Variants in HACD3 observed in about 807,000 individuals in gnomAD.
HACD3 encodes the protein 3-hydroxyacyl-CoA dehydratase 3, also known as very-long-chain (3R)-3-hydroxyacyl-CoA dehydratase 3.
A neutral mutation model predicts 55.2 loss-of-function variants in HACD3; 30 were observed. The observed-to-expected ratio is 0.54, with a 90% CI of 0.41 to 0.74. The LOEUF is 0.74. HACD3 is among the 30% of genes least tolerant of loss of function. HACD3 has a pLI of 0.00. For synonymous variants in HACD3, 141 were observed against 151.7 expected, an observed-to-expected ratio of 0.93 and a Z score of 0.52; for missense variants, 363 against 440.1, an observed-to-expected ratio of 0.82 and a Z score of 1.57.
At chr15:65,545,417 C>T (rs2072065615) in intron 1 of HACD3, among the ~76,000 whole-genome samples, 1 of 150,608 alleles carries the variant, frequency 6.6e-6, no homozygotes, top group African/African-American at 2.4e-5. Context: ...ATAGGCATGG[C>T]AATCAAGAGG....
In HACD3 at chr15:65,530,600, C is replaced by G. The variant is rs761548750; in HGVS notation, c.-32C>G. The G allele has an allele frequency of 8.7e-5, 134 of 1,542,314 alleles. No homozygotes were observed. Among genetic ancestry groups the G allele is most frequent in the East Asian group, 1.5e-4 (6 of 40,716 alleles). ...ACCTGAGGCAGCGAGGCGCAGCGAG[C>G]CTAGCCTCCCCGCGCCCTGGGCAGT... On this transcript the variant is annotated 5_prime_UTR_variant, in exon 1 of 11. Transcript: ENST00000261875.
chr15:65,535,051 T>C (rs1425885801), intron 1 of HACD3, among the ~76,000 whole-genome samples: 2 of 152,188 alleles, frequency 1.3e-5, no homozygotes, highest in Admixed American at 6.5e-5. Flanking sequence ...ACTGGGACAA[T>C]TGGTAATCCA....
At chr15:65,532,687 T>C (rs1226636723) in intron 1 of HACD3, among the ~76,000 whole-genome samples, 1 of 151,658 alleles carries the variant, frequency 6.6e-6, no homozygotes, top group East Asian at 1.9e-4. Flanking sequence ...AAATAAATCA[T>C]TTTTCCCCCT....
At chr15:65,538,819 G>A (rs1340212527) in intron 1 of HACD3, among the ~76,000 whole-genome samples, 3 of 152,136 alleles carry the variant, frequency 2.0e-5, no homozygotes, top group Admixed American at 2.0e-4. Context: ...GTCACCACCT[G>A]GATCAGTCCA....
chr15:65,537,397 AG>A (rs2071964894), intron 1 of HACD3, among the ~76,000 whole-genome samples: 1 of 152,150 alleles, frequency 6.6e-6, no homozygotes, highest in South Asian at 2.1e-4. Flanking sequence ...AAAGCTTCAA[AG>A]GACAGTCTGA....
chr15:65,563,274 A>G (rs548313315), intron 6 of HACD3, among the ~76,000 whole-genome samples: 78 of 152,278 alleles, frequency 5.1e-4, no homozygotes, highest in African/African-American at 1.9e-3. Flanking sequence ...AATACGTTCT[A>G]AAATGAACTA....
At chr15:65,568,133 G>C (rs908586583) in intron 7 of HACD3, among the ~76,000 whole-genome samples, 1 of 151,728 alleles carries the variant, frequency 6.6e-6, no homozygotes, top group Admixed American at 6.6e-5. Flanking sequence ...TGTTGGCCAG[G>C]CTGGTCTCGA....
intron 10 of HACD3, among the ~76,000 whole-genome samples, chr15:65,575,188 G>GTTTT (rs1247642156): frequency 7.3e-6 from 1 of 137,274 alleles, no homozygotes; most frequent in African/African-American, 2.7e-5. Context: ...GGACTTTTTA[G>GTTTT]TTTTTTTTTT....
At chr15:65,566,454 C>A in intron 7 of HACD3, 1 of 161,404 alleles carries the variant, frequency 6.2e-6, no homozygotes, top group Non-Finnish European at 1.3e-5. Flanking sequence ...TGGTGCAGGG[C>A]AAAAGGCACT....
chr15:65,574,766 T>C (rs2141228302), intron 10 of HACD3, among the ~76,000 whole-genome samples: 1 of 152,356 alleles, frequency 6.6e-6, no homozygotes, highest in East Asian at 1.9e-4. Context: ...TCAGAAATAT[T>C]GCCAACCAAA....
intron 10 of HACD3, among the ~76,000 whole-genome samples, chr15:65,572,730 C>T (rs944338610): frequency 2.0e-5 from 3 of 151,690 alleles, no homozygotes; most frequent in African/African-American, 7.3e-5. Context: ...GCCTGATCAA[C>T]GTGGTGAAAC....
chr15:65,535,757 G>T, intron 1 of HACD3: 1 of 615,326 alleles, frequency 1.6e-6, no homozygotes, highest in Non-Finnish European at 3.0e-6. Context: ...GTGCAGCAGT[G>T]TGATCATAGC....
chr15:65,549,622 A>G (rs1275494376), intron 1 of HACD3, among the ~76,000 whole-genome samples: 5 of 148,274 alleles, frequency 3.4e-5, no homozygotes. Context: ...AAAAAAAAAG[A>G]TCAAAGCCCA....
At chr15:65,554,794 A>T in intron 2 of HACD3, 93 bp from the exon 3 acceptor site, 1 of 853,080 alleles carries the variant, frequency 1.2e-6, no homozygotes. Context: ...AAAGTGTAAT[A>T]TTCGCATACT....
intron 1 of HACD3, among the ~76,000 whole-genome samples, chr15:65,542,241 A>AAAG (rs1555483038): frequency 6.9e-6 from 1 of 145,860 alleles, no homozygotes. Context: ...AAAAAAAAAA[A>AAAG]AAAAAGAAAA....
chr15:65,530,766 G>A (rs1461453585), intron 1 of HACD3, 48 bp downstream of exon 1: 7 of 1,500,238 alleles, frequency 4.7e-6, no homozygotes, highest in African/African-American at 1.4e-5. Context: ...CGCGGCTCCG[G>A]GTACCCGCCA....
intron 3 of HACD3, among the ~76,000 whole-genome samples, chr15:65,555,340 C>T (rs1324721260): frequency 6.6e-6 from 1 of 152,192 alleles, no homozygotes; most frequent in Non-Finnish European, 1.5e-5. Flanking sequence ...GTGGTTGAAG[C>T]CCCCACCAGG....
At chr15:65,561,410 G>A (rs2072243159) in intron 5 of HACD3, among the ~76,000 whole-genome samples, 1 of 151,764 alleles carries the variant, frequency 6.6e-6, no homozygotes, top group Non-Finnish European at 1.5e-5. Flanking sequence ...AGCGTGCAGT[G>A]AGCCGAGATT....
Position 65,530,883 on chromosome 15 carries a change from C to T in HACD3, c.87+165C>T. ...CGTGCTGGCGCTTTTCGAGGCTCAT[C>T]TGCAGATCTCGGGCCGGGGGCACAA... On this transcript the variant is annotated intron_variant, in intron 1 of 10. Transcript: ENST00000261875. 4.6e-6 allele frequency: 3 copies of T among 656,160 alleles called. 1 individual carries two copies. In the South Asian group the frequency reaches 6.3e-5, roughly 14 times the overall value. 40.6% of individuals were successfully genotyped at this position (656,160 alleles called of 1,614,324 possible).
Sources: gnomAD v4.1 joint callset for allele counts (sites outside exome capture counted in the v4.1 genomes callset) on GRCh38, gnomAD v4.1.1 for gene constraint, MANE v1.5 for transcripts, NCBI Gene and HGNC (gene_info 2026-07-23, HGNC 2026-07-21) for gene names.